The following DIP2B variants were observed in gnomAD, a reference collection of about 807,000 sequenced individuals.
DIP2B encodes the protein disco-interacting protein 2 homolog B.
In DIP2B, 76 loss-of-function variants were observed where a neutral mutation model predicts 198.0. The ratio of observed to expected loss-of-function variants is 0.38; its 90% CI spans 0.32 to 0.46. The LOEUF is 0.46. Ranked by LOEUF, DIP2B falls within the 20% of genes least tolerant of loss-of-function variation. The pLI is 0.99. For missense variants in DIP2B, 1,559 were observed against 1,978.4 expected, an observed-to-expected ratio of 0.79 and a Z score of 4.02; for synonymous variants, 701 against 739.1, an observed-to-expected ratio of 0.95 and a Z score of 0.84.
chr12:50,715,396 A>G (rs958561598), intron 23 of DIP2B, among the ~76,000 whole-genome samples: 2 of 151,824 alleles, frequency 1.3e-5, no homozygotes, highest in African/African-American at 4.8e-5. Context: ...TCTCCTCATC[A>G]TGGGACCAGC....
intron 1 of DIP2B, among the ~76,000 whole-genome samples, chr12:50,564,269 C>T (rs755299677): frequency 1.3e-5 from 2 of 152,106 alleles, no homozygotes; most frequent in African/African-American, 2.4e-5. Context: ...TTTGTTCTTT[C>T]GGTGATGGAC....
chr12:50,673,299 TTTTAAG>T (rs1938887034), intron 5 of DIP2B, among the ~76,000 whole-genome samples: 1 of 152,196 alleles, frequency 6.6e-6, no homozygotes, highest in Non-Finnish European at 1.5e-5. Context: ...TTTTTTCCTT[TTTTAAG>T]TTTTACAAAA....
In DIP2B at chr12:50,671,340, C is replaced by T. The variant is rs138931623; in HGVS notation, c.582C>T (p.His194=). 1.2e-5 allele frequency: 19 copies of T among 1,614,134 alleles called. No individual in the cohort carries two copies. Among genetic ancestry groups the T allele is most frequent in the Non-Finnish European group, 1.5e-5 (18 of 1,180,018 alleles). Residue 194 remains histidine, a synonymous_variant, in exon 5 of 38, where the codon CAC becomes CAT. Transcript: ENST00000301180. Reference sequence around the variant, plus strand: ...CATCCGCATCTTCTACGCTGTCCCACGGAGAGGTCAAAGGAACCAGTGGGT... The same window carrying T: ...CATCCGCATCTTCTACGCTGTCCCATGGAGAGGTCAAAGGAACCAGTGGGT... The part of the protein sequence containing the change: ...TSSSASSTLS[H]GEVKGTSGSL...
intron 27 of DIP2B, among the ~76,000 whole-genome samples, chr12:50,724,073 G>A (rs1423802982): frequency 6.6e-6 from 1 of 152,212 alleles, no homozygotes; most frequent in African/African-American, 2.4e-5. Context: ...TGTAGCATTT[G>A]CTTCTCTGAG....
chr12:50,610,636 G>T (rs999410929), intron 1 of DIP2B, among the ~76,000 whole-genome samples: 3 of 151,764 alleles, frequency 2.0e-5, no homozygotes, highest in African/African-American at 7.3e-5. Flanking sequence ...CTCCCCAGTA[G>T]CTGGGAATAC....
rs994125087 is a variant in DIP2B at position 50,680,847 on chromosome 12, A to G, written c.1206+84A>G. 2.4e-6 allele frequency: 3 copies of G among 1,251,722 alleles called. No homozygotes were observed. The African/African-American group carries it at 4.6e-5, about 19-fold the overall frequency. The allele number at this position is 1,251,722 out of a possible 1,614,324, so 77.5% of individuals were successfully genotyped here. On this transcript the variant is annotated intron_variant, in intron 9 of 37. Coordinates refer to ENST00000301180, the MANE Select transcript of DIP2B (RefSeq NM_173602.3). ...TATTCTAATATTCTGGAGTTTTCAT[A>G]TACAACAGGAAAATTTATGTAACTC...
intron 1 of DIP2B, among the ~76,000 whole-genome samples, chr12:50,622,912 A>G (rs1353219702): frequency 7.1e-6 from 1 of 140,956 alleles, no homozygotes; most frequent in African/African-American, 2.6e-5. Flanking sequence ...TTGCCCAGCT[A>G]TTTTTTTTTT....
At chr12:50,651,767 A>G (rs1938457411) in intron 3 of DIP2B, among the ~76,000 whole-genome samples, 1 of 152,090 alleles carries the variant, frequency 6.6e-6, no homozygotes. Flanking sequence ...ACACAATCTC[A>G]CTGTGTTTCC....
At chr12:50,740,545 C>G (rs1940223795) in intron 36 of DIP2B, among the ~76,000 whole-genome samples, 1 of 152,220 alleles carries the variant, frequency 6.6e-6, no homozygotes, top group African/African-American at 2.4e-5. Context: ...CTATGTTTCT[C>G]TTGTTTTTGT....
intron 1 of DIP2B, among the ~76,000 whole-genome samples, chr12:50,549,690 T>A (rs1276822142): frequency 2.2e-5 from 2 of 92,528 alleles, no homozygotes; most frequent in Non-Finnish European, 4.0e-5. Context: ...AGAGCAAGAC[T>A]CCATCTTAAA....
intron 3 of DIP2B, among the ~76,000 whole-genome samples, chr12:50,654,845 G>T (rs1938527250): frequency 6.6e-6 from 1 of 152,168 alleles, no homozygotes; most frequent in African/African-American, 2.4e-5. Context: ...TAGCTGTCAA[G>T]TTGGCAGCAA....
At chr12:50,734,097 C>T (rs1460498534) in intron 32 of DIP2B, 38 bp from the exon 33 acceptor site, 13 of 1,608,190 alleles carry the variant, frequency 8.1e-6, no homozygotes, top group East Asian at 2.2e-5. Flanking sequence ...TACAGTTTAT[C>T]GAAATTCTAA....
At chr12:50,616,566 A>T (rs1306691116) in intron 1 of DIP2B, among the ~76,000 whole-genome samples, 1 of 152,238 alleles carries the variant, frequency 6.6e-6, no homozygotes, top group African/African-American at 2.4e-5. Context: ...GAGAGTTTTT[A>T]AAATAATTCA....
chr12:50,735,042 C>T (rs543007620), intron 33 of DIP2B, 31 bp from the exon 34 acceptor site: 4 of 1,613,688 alleles, frequency 2.5e-6, no homozygotes, highest in Non-Finnish European at 3.4e-6. Flanking sequence ...TCTTAAAAGC[C>T]CTATATATAG....
chr12:50,516,237 CTCTCTCTCTATCTCTA>C (rs1277807326), intron 1 of DIP2B, among the ~76,000 whole-genome samples: 4 of 149,818 alleles, frequency 2.7e-5, no homozygotes, highest in Admixed American at 6.7e-5. Flanking sequence ...CTCTCTCTCT[CTCTCTCTCTATCTCTA>C]TCTCTATCTC....
chr12:50,699,239 G>A lies in DIP2B; in HGVS notation c.2325+37G>A, dbSNP rs138507607. The A allele has an allele frequency of 2.5e-4, 400 of 1,612,440 alleles. 2 individuals carry two copies. In the East Asian group the frequency reaches 8.6e-3, roughly 35 times the overall value. ...TAACATTTCACAGGGAAAATGTTTG[G>A]GGATTTCAGGATGTTACGAGGGCAG... is the stretch of plus-strand genomic sequence containing the variant. On this transcript the variant is annotated intron_variant, in intron 19 of 37. Coordinates refer to ENST00000301180, the MANE Select transcript of DIP2B (RefSeq NM_173602.3).
chr12:50,593,979 C>T (rs1161596559), intron 1 of DIP2B, among the ~76,000 whole-genome samples: 2 of 140,884 alleles, frequency 1.4e-5, no homozygotes, highest in Admixed American at 7.4e-5. Flanking sequence ...TCACTCTTGT[C>T]GCCCAGGCTG....
In DIP2B at chr12:50,706,591, T is replaced by G; in HGVS notation, c.2460T>G (p.Gly820=). Residue 820 remains glycine (G), a synonymous_variant, in exon 21 of 38, where the codon GGT becomes GGG. Coordinates refer to ENST00000301180, the MANE Select transcript of DIP2B (RefSeq NM_173602.3). ...GKMDGLLMVS[G]RRHNADDIVA... is the part of the protein sequence containing the mutation. ...TGGATGGCTTACTGATGGTTAGTGG[T>G]CGAAGACATAATGCTGATGACATTG... 6.2e-7 allele frequency: 1 copy of G among 1,614,120 alleles called. No homozygotes were observed. Among genetic ancestry groups the G allele is most frequent in the Non-Finnish European group, 8.5e-7 (1 of 1,180,000 alleles).
Position 50,739,549 on chromosome 12 carries a change from T to C in DIP2B, c.4317T>C (p.Gly1439=). ...TCTGGGCTCGGACAGGATACCTTGG[T>C]TTTGTCCGCCGGACCGAGCTCACAG... ...QTLWARTGYL[G]FVRRTELTAA... Residue 1439 remains glycine, a synonymous_variant, in exon 36 of 38, where the codon GGT becomes GGC. Transcript: ENST00000301180. 1 of 1,614,106 alleles carries C rather than the reference T, an allele frequency of 6.2e-7. No homozygotes were observed. Among genetic ancestry groups the C allele is most frequent in the Non-Finnish European group, 8.5e-7 (1 of 1,179,992 alleles).
Sources: allele counts gnomAD v4.1 joint callset (sites outside exome capture counted in the v4.1 genomes callset), GRCh38; gene constraint gnomAD v4.1.1; transcripts MANE v1.5; gene names NCBI Gene and HGNC (gene_info 2026-07-23, HGNC 2026-07-21).